AFAP1L2: variants seen among roughly 807,000 people sequenced by gnomAD.
The protein encoded by AFAP1L2 is actin filament-associated protein 1-like 2.
AFAP1L2 carries 46 observed loss-of-function variants against 99.3 expected under a neutral mutation model. That is an observed-to-expected ratio of 0.46 (90% confidence interval 0.37 to 0.59). The LOEUF is 0.59. Ranked by LOEUF, AFAP1L2 falls within the 20% of genes least tolerant of loss-of-function variation. AFAP1L2 has a pLI of 0.00. For missense variants in AFAP1L2, 959 were observed against 1,034.9 expected, an observed-to-expected ratio of 0.93 and a Z score of 1.01; for synonymous variants, 397 against 419.1, an observed-to-expected ratio of 0.95 and a Z score of 0.64.
At chr10:114,340,514 C>T (rs1261793295) in intron 2 of AFAP1L2, 89 bp downstream of exon 2, 1 of 1,478,390 alleles carries the variant, frequency 6.8e-7, no homozygotes, top group Non-Finnish European at 9.1e-7. Context: ...AGCACCCAGC[C>T]TGTGATCCTT....
At chr10:114,291,165 G>A, downstream of AFAP1L2, 2 of 1,549,542 alleles carry the variant, frequency 1.3e-6, no homozygotes, top group South Asian at 2.4e-5. Flanking sequence ...CTGCTGGAGG[G>A]CTGAGAAGGG....
chr10:114,333,800 G>A (rs1304527680), intron 2 of AFAP1L2, among the ~76,000 whole-genome samples: 3 of 152,064 alleles, frequency 2.0e-5, no homozygotes, highest in Non-Finnish European at 4.4e-5. Context: ...AACAGAGTGC[G>A]ACTCCATCTT....
In AFAP1L2 at chr10:114,360,077, T is replaced by G. The variant is rs149592513; in HGVS notation, c.17-19346A>C. 5.3e-5 allele frequency among the ~76,000 whole-genome samples: 8 copies of G among 152,308 alleles called. No homozygotes were observed. The East Asian group carries it at 1.5e-3, about 29-fold the overall frequency. ...ATTCTTCTGGATGTGCTGGTGAGGATGTTTCTAGGTGACAGGAATATTTGA... is the reference window on the plus strand; with the variant it reads ...ATTCTTCTGGATGTGCTGGTGAGGAGGTTTCTAGGTGACAGGAATATTTGA... On this transcript the variant is annotated intron_variant, in intron 1 of 18. Coordinates refer to ENST00000304129, the MANE Select transcript of AFAP1L2 (RefSeq NM_001001936.3).
chr10:114,304,352 A>G (rs1031002318), intron 11 of AFAP1L2, among the ~76,000 whole-genome samples: 1 of 152,144 alleles, frequency 6.6e-6, no homozygotes, highest in African/African-American at 2.4e-5. Context: ...TTTCCCCCAG[A>G]TAAGCTCTAA....
At chr10:114,368,766 C>T (rs992873178) in intron 1 of AFAP1L2, among the ~76,000 whole-genome samples, 1 of 106,894 alleles carries the variant, frequency 9.4e-6, no homozygotes, top group Non-Finnish European at 1.8e-5. Flanking sequence ...AGTGTCCTTA[C>T]AACACACACA....
intron 1 of AFAP1L2, among the ~76,000 whole-genome samples, chr10:114,401,041 T>C (rs549498718): frequency 1.3e-5 from 2 of 152,364 alleles, no homozygotes; most frequent in South Asian, 2.1e-4. Flanking sequence ...GATTCCCATA[T>C]AAACTTTGAA....
chr10:114,349,187 G>A (rs190279920), intron 1 of AFAP1L2, among the ~76,000 whole-genome samples: 2 of 151,678 alleles, frequency 1.3e-5, no homozygotes, highest in South Asian at 2.1e-4. Context: ...AGACCAGCCC[G>A]GCCAACATGG....
At position 114,295,592 on chromosome 10, in the gene AFAP1L2, C is replaced by CCAA. The variant is rs2040082178; in HGVS notation, c.*447_*449dup. ...ACTGAAGGCAAGGATGGTTTAATCC[C>CCAA]CAACTGCTAAGTATTGGATAAGAGA... On this transcript the variant is annotated 3_prime_UTR_variant, in exon 19 of 19. Transcript: ENST00000304129. 1.0e-6 allele frequency: 1 copy of CCAA among 988,128 alleles called. No homozygotes were observed. The allele number at this position is 988,128 out of a possible 1,614,324, so 61.2% of individuals were successfully genotyped here.
intron 1 of AFAP1L2, among the ~76,000 whole-genome samples, chr10:114,391,815 G>C (rs1398587987): frequency 1.3e-5 from 2 of 152,158 alleles, no homozygotes; most frequent in Non-Finnish European, 2.9e-5. Context: ...CCAAGTTAGG[G>C]AGCTACAAGG....
intron 5 of AFAP1L2, 67 bp from the exon 6 acceptor site, chr10:114,315,832 G>T: frequency 1.3e-6 from 2 of 1,482,922 alleles, no homozygotes; most frequent in East Asian, 2.4e-5. Context: ...AGCATCGCTG[G>T]GGAGGGCAGC....
At chr10:114,284,970 G>A in the AFAP1L2 span, 4 of 1,593,314 alleles carry the variant, frequency 2.5e-6, no homozygotes, top group Non-Finnish European at 3.4e-6. Context: ...GGCTAACTGT[G>A]GTAGGTATGC....
chr10:114,317,040 C>T (rs952229540), intron 5 of AFAP1L2, among the ~76,000 whole-genome samples: 1 of 152,170 alleles, frequency 6.6e-6, no homozygotes, highest in Admixed American at 6.6e-5. Flanking sequence ...GCCTTCATTC[C>T]CATGACACCC....
the AFAP1L2 span, chr10:114,286,437 T>C: frequency 1.9e-6 from 3 of 1,612,874 alleles, no homozygotes; most frequent in Non-Finnish European, 1.7e-6. Flanking sequence ...CATGTGATGG[T>C]CTACTCGGAT....
intron 1 of AFAP1L2, among the ~76,000 whole-genome samples, chr10:114,367,792 G>A (rs1035608065): frequency 3.9e-5 from 6 of 152,172 alleles, no homozygotes; most frequent in Admixed American, 3.9e-4. Context: ...ATAATGTTTT[G>A]CAACATCAAC....
At chr10:114,286,426 G>T in the AFAP1L2 span, 1 of 1,613,738 alleles carries the variant, frequency 6.2e-7, no homozygotes, top group South Asian at 1.1e-5. Context: ...GCAGCCCAAA[G>T]CATGTGATGG....
At chr10:114,330,228 G>T (rs1266663645) in intron 4 of AFAP1L2, among the ~76,000 whole-genome samples, 2 of 152,148 alleles carry the variant, frequency 1.3e-5, no homozygotes, top group Non-Finnish European at 2.9e-5. Flanking sequence ...CGAATGAAGG[G>T]GCCAGTCCAG....
At chr10:114,331,777 A>G in intron 4 of AFAP1L2, 26 bp downstream of exon 4, 1 of 1,328,858 alleles carries the variant, frequency 7.5e-7, no homozygotes. Flanking sequence ...CGTCAGGGAA[A>G]TCAGGGGTCC....
chr10:114,371,728 G>A (rs1314984914), intron 1 of AFAP1L2, among the ~76,000 whole-genome samples: 1 of 151,916 alleles, frequency 6.6e-6, no homozygotes, highest in South Asian at 2.1e-4. Context: ...GTTGATGGGT[G>A]CAGCAAACCA....
At chr10:114,346,096 A>G (rs933645433) in intron 1 of AFAP1L2, among the ~76,000 whole-genome samples, 2 of 152,140 alleles carry the variant, frequency 1.3e-5, no homozygotes, top group African/African-American at 2.4e-5. Flanking sequence ...CTTCTCTTCT[A>G]GGCTGTGGCA....
Sources: gnomAD v4.1 joint callset for allele counts (sites outside exome capture counted in the v4.1 genomes callset) on GRCh38, gnomAD v4.1.1 for gene constraint, MANE v1.5 for transcripts, NCBI Gene and HGNC (gene_info 2026-07-23, HGNC 2026-07-21) for gene names.